PLXNA4: variants seen among roughly 807,000 people sequenced by gnomAD.
PLXNA4 encodes plexin A4, also known as plexin-A4.
In PLXNA4, 44 loss-of-function variants were observed where a neutral mutation model predicts 191.8. The ratio of observed to expected loss-of-function variants is 0.23; its 90% CI spans 0.18 to 0.29. The LOEUF (loss-of-function observed/expected upper bound fraction) is 0.29, where lower values mean the gene tolerates loss of function less well. Ranked by LOEUF, PLXNA4 falls within the 10% of genes least tolerant of loss-of-function variation. PLXNA4 has a pLI of 1.00. For missense variants in PLXNA4, 1,800 were observed against 2,488.8 expected (o/e 0.72, Z 5.89); for synonymous variants, 1,082 against 1,009.5 (o/e 1.07, Z -1.36).
intron 2 of PLXNA4, among the ~76,000 whole-genome samples, chr7:132,588,816 AAAG>A (rs1802555887): frequency 6.6e-6 from 1 of 151,408 alleles, no homozygotes; most frequent in Non-Finnish European, 1.5e-5. Flanking sequence ...AAAGAAAAAG[AAAG>A]AAAGAGGAAG....
At chr7:132,334,359 A>G (rs2116712143) in intron 3 of PLXNA4, among the ~76,000 whole-genome samples, 1 of 146,614 alleles carries the variant, frequency 6.8e-6, no homozygotes, top group African/African-American at 2.5e-5. Flanking sequence ...CCAGGCTCAG[A>G]TGATCCTCCT....
intron 3 of PLXNA4, among the ~76,000 whole-genome samples, chr7:132,319,031 A>AC: frequency 6.6e-6 from 1 of 151,960 alleles, no homozygotes. Flanking sequence ...GTCCACACGC[A>AC]CCCCAAGGTG....
In PLXNA4 at chr7:132,269,037, T is replaced by A. The variant is rs140508258; in HGVS notation, c.1504-27871A>T. ...TTATTCTATTAGCTTGTGGTCTTAA[T>A]ATTTGGAATGTGTCCACATGACACT... is the stretch of plus-strand genomic sequence containing the variant. On this transcript the variant is annotated intron_variant, in intron 4 of 31. Coordinates refer to ENST00000321063, the MANE Select transcript of PLXNA4 (RefSeq NM_020911.2). Among the ~76,000 whole-genome samples the A allele has an allele frequency of 1.7e-4, 26 of 152,282 alleles. No homozygotes were observed. In the East Asian group the frequency reaches 5.0e-3, roughly 29 times the overall value.
At chr7:132,495,604 G>T (rs1797979684) in intron 2 of PLXNA4, among the ~76,000 whole-genome samples, 2 of 152,100 alleles carry the variant, frequency 1.3e-5, no homozygotes, top group African/African-American at 4.8e-5. Flanking sequence ...CAACTCCTGT[G>T]GTCCAGGAGA....
intron 3 of PLXNA4, among the ~76,000 whole-genome samples, chr7:132,326,665 T>A (rs1802372230): frequency 6.6e-6 from 1 of 152,196 alleles, no homozygotes. Context: ...TGGAGAGGCT[T>A]CCCTGACTCC....
intron 3 of PLXNA4, among the ~76,000 whole-genome samples, chr7:132,418,244 C>T (rs2117127354): frequency 6.6e-6 from 1 of 152,316 alleles, no homozygotes; most frequent in East Asian, 1.9e-4. Context: ...AGGTTCTCCT[C>T]TCCATCCATC....
At chr7:132,640,252 T>G (rs1803712643) in intron 2 of PLXNA4, among the ~76,000 whole-genome samples, 1 of 152,178 alleles carries the variant, frequency 6.6e-6, no homozygotes, top group Admixed American at 6.5e-5. Flanking sequence ...GAAGACATGA[T>G]CAGCATAGAA....
In PLXNA4 at chr7:132,562,460, TCC is replaced by T. The variant is rs1309713140; in HGVS notation, c.-87+13960_-87+13961del. Among the ~76,000 whole-genome samples the T allele has an allele frequency of 2.1e-4, 24 of 116,158 alleles. 2 individuals are homozygous for T. The highest frequency in any genetic ancestry group is 7.2e-4 in the South Asian group (2 of 2,772). The allele number at this position is 116,158 out of a possible 152,430, so 76.2% of individuals were successfully genotyped here. A position where few individuals can be genotyped will look rare whatever the true frequency, so the allele number is the denominator to read the frequency against. Reference sequence around the variant, plus strand: ...CTCTTCATCCTCCTCCTCCTTCTCCTCCTCCTCCTTTCTCCTCCTCCTTCTCT... The same window carrying T: ...CTCTTCATCCTCCTCCTCCTTCTCCTTCCTCCTTTCTCCTCCTCCTTCTCT... On this transcript the variant is annotated intron_variant, in intron 1 of 31. Coordinates refer to ENST00000321063, the MANE Select transcript of PLXNA4 (RefSeq NM_020911.2).
intron 1 of PLXNA4, among the ~76,000 whole-genome samples, chr7:132,549,650 CCCT>C (rs1350708432): frequency 6.6e-6 from 1 of 152,108 alleles, no homozygotes; most frequent in African/African-American, 2.4e-5. Flanking sequence ...TGAGTCATTA[CCCT>C]CCTTAGTGTT....
At chr7:132,194,307 G>A (rs1323393484) in intron 13 of PLXNA4, 128 bp from the exon 14 acceptor site, 1 of 1,406,332 alleles carries the variant, frequency 7.1e-7, no homozygotes, top group African/African-American at 1.4e-5. Context: ...GGGGAGGAAG[G>A]GGAAGATATC....
chr7:132,488,259 T>C (rs1797641369), intron 3 of PLXNA4, among the ~76,000 whole-genome samples: 1 of 152,236 alleles, frequency 6.6e-6, no homozygotes, highest in African/African-American at 2.4e-5. Context: ...AAATGATTGC[T>C]GGGCTGTTAC....
Position 132,227,579 on chromosome 7 carries a change from G to A in PLXNA4, c.1754C>T (p.Pro585Leu), listed in dbSNP as rs1280571401. 2.5e-6 allele frequency: 4 copies of A among 1,614,008 alleles called. No homozygotes were observed. The highest frequency in any genetic ancestry group is 3.3e-5 in the Admixed American group (2 of 59,996). ...VLLVLETYNV[P>L]ELSAGVNCTF... The stretch of plus-strand genomic sequence containing the variant: ...GCAGTTGACGCCAGCTGACAGCTCC[G>A]GGACATTGTACGTCTCCAGGACCAG... Residue 585 changes from proline to leucine, a missense_variant, in exon 7 of 32, where the codon CCG (proline) becomes CTG (leucine). By Grantham distance (98) the Pro-to-Leu change is moderately conservative. Coordinates refer to ENST00000321063, the MANE Select transcript of PLXNA4 (RefSeq NM_020911.2).
intron 3 of PLXNA4, among the ~76,000 whole-genome samples, chr7:132,315,627 C>T (rs1374628624): frequency 6.6e-6 from 1 of 152,230 alleles, no homozygotes; most frequent in African/African-American, 2.4e-5. Context: ...CCTTGGCCCA[C>T]ATCTCACGCC....
At chr7:132,168,815 G>A (rs1178275119) in intron 21 of PLXNA4, among the ~76,000 whole-genome samples, 4 of 152,202 alleles carry the variant, frequency 2.6e-5, no homozygotes, top group Non-Finnish European at 1.5e-5. Context: ...AGTAAATGGC[G>A]GGGCTAGGAT....
intron 3 of PLXNA4, among the ~76,000 whole-genome samples, chr7:132,461,753 C>T (rs1046251988): frequency 2.6e-5 from 4 of 152,156 alleles, no homozygotes; most frequent in Non-Finnish European, 4.4e-5. Context: ...TCTAAGACAG[C>T]GGAGTCATTT....
At chr7:132,496,032 A>G (rs997655381) in intron 2 of PLXNA4, among the ~76,000 whole-genome samples, 1 of 152,186 alleles carries the variant, frequency 6.6e-6, no homozygotes. Context: ...CAGTGTGGGG[A>G]TGGACAGACC....
intron 2 of PLXNA4, among the ~76,000 whole-genome samples, chr7:132,494,962 C>A (rs897804714): frequency 6.6e-6 from 1 of 152,128 alleles, no homozygotes; most frequent in Non-Finnish European, 1.5e-5. Context: ...GGAGGTAGAC[C>A]TGGGGAACAG....
chr7:132,389,917 A>G (rs1805327327), intron 3 of PLXNA4, among the ~76,000 whole-genome samples: 1 of 152,238 alleles, frequency 6.6e-6, no homozygotes. Context: ...TCAGGACACA[A>G]CAGATGCCAG....
At chr7:132,430,582 A>G (rs1795221433) in intron 3 of PLXNA4, among the ~76,000 whole-genome samples, 1 of 152,210 alleles carries the variant, frequency 6.6e-6, no homozygotes, top group Non-Finnish European at 1.5e-5. Flanking sequence ...AATTCCAGCC[A>G]GAAAGAACAA....
Sources: gnomAD v4.1 joint callset for allele counts (sites outside exome capture counted in the v4.1 genomes callset) on GRCh38, gnomAD v4.1.1 for gene constraint, MANE v1.5 for transcripts, NCBI Gene and HGNC (gene_info 2026-07-23, HGNC 2026-07-21) for gene names.